KAZN: variants seen among roughly 807,000 people sequenced by gnomAD.
KAZN encodes kazrin.
Under a neutral mutation model 87.4 loss-of-function variants are expected in KAZN, and 40 were observed. The ratio of observed to expected loss-of-function variants is 0.46; its 90% CI spans 0.36 to 0.60. KAZN has a LOEUF of 0.60. Among genes scored for constraint, KAZN ranks in the 20% least tolerant of loss-of-function variants. The probability of loss-of-function intolerance (pLI) is 0.00; values close to 1 mark genes in which losing one functional copy is unlikely to be tolerated. For missense variants in KAZN, 898 were observed against 1,073.9 expected, an observed-to-expected ratio of 0.84 and a Z score of 2.29; for synonymous variants, 466 against 458.3, an observed-to-expected ratio of 1.02 and a Z score of -0.22.
At chr1:14,299,276 G>A (rs1421702072) in intron 2 of KAZN, among the ~76,000 whole-genome samples, 9 of 152,202 alleles carry the variant, frequency 5.9e-5, no homozygotes, top group Non-Finnish European at 1.0e-4. Flanking sequence ...GCCGAGGTGT[G>A]TGGATCACCT....
At chr1:14,745,093 C>T (rs1359337551) in intron 1 of KAZN, among the ~76,000 whole-genome samples, 2 of 152,022 alleles carry the variant, frequency 1.3e-5, no homozygotes, top group East Asian at 3.9e-4. Context: ...CGCCTTATGA[C>T]CTAACCAAAA....
chr1:14,802,270 G>A (rs187775843), intron 1 of KAZN, among the ~76,000 whole-genome samples: 1 of 151,996 alleles, frequency 6.6e-6, no homozygotes, highest in Admixed American at 6.5e-5. Context: ...CAGGTGTGGT[G>A]GTTTGTGCCT....
chr1:14,081,357 G>A (rs1339670106), intron 1 of KAZN, among the ~76,000 whole-genome samples: 5 of 152,050 alleles, frequency 3.3e-5, no homozygotes, highest in African/African-American at 1.2e-4. Flanking sequence ...ACACAGGAGA[G>A]CTGACTTAAG....
intron 2 of KAZN, among the ~76,000 whole-genome samples, chr1:14,401,755 T>A (rs1384438558): frequency 1.3e-5 from 2 of 152,068 alleles, no homozygotes; most frequent in African/African-American, 2.4e-5. Flanking sequence ...ATAGGAAAAA[T>A]AATATCATTA....
At chr1:15,065,491 GC>G (rs1171214233) in intron 7 of KAZN, 138 bp from the exon 8 acceptor site, 10 of 738,946 alleles carry the variant, frequency 1.4e-5, no homozygotes, top group Non-Finnish European at 2.3e-5. Flanking sequence ...AGCCATCCCA[GC>G]CCGTCCCTGA....
intron 1 of KAZN, among the ~76,000 whole-genome samples, chr1:14,886,862 GTA>G (rs1350037803): frequency 1.3e-5 from 2 of 152,214 alleles, no homozygotes; most frequent in African/African-American, 2.4e-5. Flanking sequence ...ACACACGTGT[GTA>G]TGTGTCTGAG....
intron 2 of KAZN, among the ~76,000 whole-genome samples, chr1:14,355,567 C>T (rs1028628951): frequency 1.3e-5 from 2 of 152,154 alleles, no homozygotes; most frequent in Admixed American, 6.6e-5. Context: ...TCTCCTAATG[C>T]TGTCCATCCC....
intron 1 of KAZN, among the ~76,000 whole-genome samples, chr1:14,006,199 G>T (rs1429822230): frequency 6.6e-6 from 1 of 152,118 alleles, no homozygotes; most frequent in Non-Finnish European, 1.5e-5. Context: ...CCTGTGCTTT[G>T]ATGTACTGGT....
chr1:14,522,526 A>G, intron 2 of KAZN, among the ~76,000 whole-genome samples: 1 of 152,174 alleles, frequency 6.6e-6, no homozygotes, highest in Non-Finnish European at 1.5e-5. Flanking sequence ...GATGTGTACA[A>G]TTTGGTCTCT....
At chr1:14,251,045 C>T (rs1020319285) in intron 2 of KAZN, among the ~76,000 whole-genome samples, 8 of 152,048 alleles carry the variant, frequency 5.3e-5, no homozygotes, top group Admixed American at 3.3e-4. Flanking sequence ...CTAGTGAACC[C>T]AAAATTACCA....
chr1:14,924,626 C>T (rs1240568329), intron 1 of KAZN: 4 of 949,422 alleles, frequency 4.2e-6, no homozygotes, highest in East Asian at 1.1e-4. Context: ...GGCCCAGGAG[C>T]CGCCGGGGCC....
At chr1:15,102,188 A>G (rs1641096765) in intron 11 of KAZN, among the ~76,000 whole-genome samples, 1 of 152,180 alleles carries the variant, frequency 6.6e-6, no homozygotes, top group South Asian at 2.1e-4. Context: ...GAGAAGATAT[A>G]CCTACTATGT....
intron 2 of KAZN, among the ~76,000 whole-genome samples, chr1:14,242,653 T>C (rs1169303745): frequency 6.6e-6 from 1 of 152,146 alleles, no homozygotes; most frequent in Non-Finnish European, 1.5e-5. Context: ...GAAAATGAGC[T>C]ATCAGCCCAT....
At chr1:14,983,305 G>A (rs952612884) in intron 2 of KAZN, among the ~76,000 whole-genome samples, 6 of 152,204 alleles carry the variant, frequency 3.9e-5, no homozygotes, top group African/African-American at 9.7e-5. Context: ...CGGACTTGAC[G>A]CTAGAGCCGG....
intron 2 of KAZN, among the ~76,000 whole-genome samples, chr1:15,030,595 G>A (rs1671595898): frequency 6.6e-6 from 1 of 152,194 alleles, no homozygotes; most frequent in South Asian, 2.1e-4. Flanking sequence ...CTTAATATGA[G>A]GTTCACCAGC....
intron 1 of KAZN, among the ~76,000 whole-genome samples, chr1:14,909,582 C>A (rs1262613530): frequency 2.6e-5 from 4 of 152,174 alleles, no homozygotes; most frequent in African/African-American, 9.7e-5. Context: ...TCTTTCAAAG[C>A]CAGGGCCAAA....
chr1:14,773,198 T>C lies in KAZN; in HGVS notation c.226+173975T>C, dbSNP rs60295036. 0.18 allele frequency among the ~76,000 whole-genome samples: 26,800 copies of C among 152,086 alleles called. 2,673 individuals are homozygous for C. Among genetic ancestry groups the C allele is most frequent in the East Asian group, 0.32 (1,648 of 5,140 alleles). ...CCTTTTGGAGCCTTTCACAATTATC[T>C]TCAGGACAAAGACGGCCCCAACACT... is the stretch of plus-strand genomic sequence containing the variant. On this transcript the variant is annotated intron_variant, in intron 1 of 14. Coordinates refer to ENST00000376030, the MANE Select transcript of KAZN (RefSeq NM_201628.3). This position sits in a 1 kb window ranked among gnomAD's most constrained non-coding sequence, Gnocchi z 5.9.
intron 2 of KAZN, among the ~76,000 whole-genome samples, chr1:14,304,895 T>G (rs1486628653): frequency 6.6e-6 from 1 of 152,240 alleles, no homozygotes; most frequent in East Asian, 1.9e-4. Context: ...CATCAGAACA[T>G]TCTTTTAGAA....
At position 13,963,759 on chromosome 1, in the gene KAZN, C is replaced by CTGTGTG. The variant is rs70987708; in HGVS notation, c.91+70043_91+70048dup. ...AAGGGTTAAATGTTTCTGCTGTGGT[C>CTGTGTG]TGTGTGTGTGTGTGTGTGTGTGTGT... is the stretch of plus-strand genomic sequence containing the variant. On this transcript the variant is annotated intron_variant, in intron 1 of 16. Coordinates refer to the KAZN transcript ENST00000636203. Among the ~76,000 whole-genome samples the CTGTGTG allele has an allele frequency of 6.6e-3, 942 of 141,986 alleles. 36 individuals are homozygous for CTGTGTG. In the East Asian group the frequency reaches 0.095, roughly 14 times the overall value. The allele number at this position is 141,986 out of a possible 152,430, so 93.1% of individuals were successfully genotyped here. A position where few individuals can be genotyped will look rare whatever the true frequency, so the allele number is the denominator to read the frequency against.
Sources: allele counts gnomAD v4.1 joint callset (sites outside exome capture counted in the v4.1 genomes callset), GRCh38; gene constraint gnomAD v4.1.1; non-coding constraint Gnocchi (gnomAD v3.1); transcripts MANE v1.5; gene names NCBI Gene and HGNC (gene_info 2026-07-23, HGNC 2026-07-21).